The following PTH2R variants were observed in gnomAD, a reference collection of about 807,000 sequenced individuals.
PTH2R encodes the protein parathyroid hormone 2 receptor.
In PTH2R, 59 loss-of-function variants were observed where a neutral mutation model predicts 60.3. The observed-to-expected ratio is 0.98, with a 90% CI of 0.79 to 1.22. The LOEUF is 1.22. PTH2R is among the 50% of genes most tolerant of loss of function. The pLI is 0.00. For synonymous variants in PTH2R, 256 were observed against 243.8 expected (o/e 1.05, Z -0.47); for missense variants, 749 against 682.6 (o/e 1.10, Z -1.08).
chr2:208,435,624 CT>C (rs1336125019), intron 2 of PTH2R, among the ~76,000 whole-genome samples: 1 of 152,184 alleles, frequency 6.6e-6, no homozygotes, highest in East Asian at 1.9e-4. Context: ...CAGCTGACAG[CT>C]GTCAGCAAAG....
chr2:208,384,908 T>C (rs1574826659), intron 1 of PTH2R, among the ~76,000 whole-genome samples: 2 of 152,180 alleles, frequency 1.3e-5, no homozygotes, highest in African/African-American at 4.8e-5. Context: ...CAACCACATA[T>C]TACCAGACAA....
At chr2:208,485,154 A>AT (rs1167289695) in intron 10 of PTH2R, among the ~76,000 whole-genome samples, 2 of 152,216 alleles carry the variant, frequency 1.3e-5, no homozygotes, top group Admixed American at 6.5e-5. Context: ...AGCAATAGTA[A>AT]TTTTTTAAAG....
chr2:208,374,341 T>C (rs1700755302), intron 1 of PTH2R, among the ~76,000 whole-genome samples: 1 of 152,090 alleles, frequency 6.6e-6, no homozygotes, highest in South Asian at 2.1e-4. Context: ...TTTGAGAAGT[T>C]GTACACCACA....
chr2:208,444,929 C>A (rs1702260891), intron 7 of PTH2R, 42 bp downstream of exon 7: 1 of 1,562,516 alleles, frequency 6.4e-7, no homozygotes. Flanking sequence ...CTGGATGATG[C>A]ATTTGATGAC....
intron 2 of PTH2R, among the ~76,000 whole-genome samples, chr2:208,433,847 C>T (rs1702020627): frequency 6.6e-6 from 1 of 152,210 alleles, no homozygotes; most frequent in Non-Finnish European, 1.5e-5. Flanking sequence ...ACAAGCTTCA[C>T]TCATAATTAG....
intron 10 of PTH2R, among the ~76,000 whole-genome samples, chr2:208,482,897 T>C (rs1703188365): frequency 6.6e-6 from 1 of 152,204 alleles, no homozygotes; most frequent in Non-Finnish European, 1.5e-5. Flanking sequence ...ATCTTGGTGA[T>C]GTGAAGCCTC....
chr2:208,480,666 A>G (rs1424081087), intron 9 of PTH2R, among the ~76,000 whole-genome samples: 1 of 152,216 alleles, frequency 6.6e-6, no homozygotes, highest in African/African-American at 2.4e-5. Flanking sequence ...AGACAGAGTG[A>G]ATCCCCAAAA....
chr2:208,443,661 A>C, intron 6 of PTH2R, 124 bp downstream of exon 6: 1 of 704,826 alleles, frequency 1.4e-6, no homozygotes. Context: ...AAAATGGATT[A>C]TCAATTTGTA....
At chr2:208,474,136 T>G (rs912278613) in intron 9 of PTH2R, among the ~76,000 whole-genome samples, 1 of 152,220 alleles carries the variant, frequency 6.6e-6, no homozygotes, top group Non-Finnish European at 1.5e-5. Flanking sequence ...ATTTAGCCCC[T>G]TTTAAAATGA....
chr2:208,418,446 C>G (rs983644209), intron 1 of PTH2R, among the ~76,000 whole-genome samples: 1 of 151,252 alleles, frequency 6.6e-6, no homozygotes, highest in Non-Finnish European at 1.5e-5. Context: ...TAATAGCAAA[C>G]CAACTCCAAC....
At chr2:208,437,698 A>G in intron 3 of PTH2R, 51 bp downstream of exon 3, 1 of 1,602,930 alleles carries the variant, frequency 6.2e-7, no homozygotes, top group Non-Finnish European at 8.5e-7. Context: ...TTACTTGTCC[A>G]TTTTCTTGAT....
intron 8 of PTH2R, among the ~76,000 whole-genome samples, chr2:208,451,406 T>G (rs1424763949): frequency 1.3e-5 from 2 of 152,190 alleles, no homozygotes; most frequent in Non-Finnish European, 2.9e-5. Context: ...AAAGGACATG[T>G]GGGAAGGAGT....
intron 1 of PTH2R, among the ~76,000 whole-genome samples, chr2:208,427,778 A>C (rs1701887233): frequency 6.6e-6 from 1 of 151,956 alleles, no homozygotes; most frequent in Admixed American, 6.6e-5. Context: ...CTTGGTACTA[A>C]ATAAATTGTA....
chr2:208,459,452 C>T (rs565705823), intron 8 of PTH2R, among the ~76,000 whole-genome samples: 21 of 152,174 alleles, frequency 1.4e-4, no homozygotes, highest in South Asian at 6.2e-4. Flanking sequence ...GAATAACTTG[C>T]ATTATTGTAA....
chr2:208,474,574 A>G (rs932632625), intron 9 of PTH2R, among the ~76,000 whole-genome samples: 3 of 152,252 alleles, frequency 2.0e-5, no homozygotes, highest in Non-Finnish European at 2.9e-5. Context: ...CCAAGTGGGC[A>G]TGTTATGTTT....
At chr2:208,398,734 G>A (rs1485667651) in intron 1 of PTH2R, among the ~76,000 whole-genome samples, 3 of 152,010 alleles carry the variant, frequency 2.0e-5, no homozygotes, top group Non-Finnish European at 2.9e-5. Context: ...TTACTATCTC[G>A]ATTTTGTGCT....
intron 1 of PTH2R, among the ~76,000 whole-genome samples, chr2:208,410,739 T>A (rs538325287): frequency 6.6e-6 from 1 of 152,140 alleles, no homozygotes; most frequent in East Asian, 1.9e-4. Context: ...ATATATGTTT[T>A]ATGAACATAT....
chr2:208,442,433 G>C lies in PTH2R; in HGVS notation c.481G>C (p.Val161Leu). Residue 161 changes from valine to leucine, a missense_variant, in exon 5 of 13, where the codon GTG becomes CTG. Coordinates refer to ENST00000272847, the MANE Select transcript of PTH2R (RefSeq NM_005048.4). ...CTCCATCTCTTTTGGTTCCTTGGCT[G>C]TGGCTATTCTCATCATTGGTTACTT... ...GYSISFGSLAVAILIIGYFRR... is the reference protein window; with the variant it reads ...GYSISFGSLALAILIIGYFRR... The C allele has an allele frequency of 6.2e-7, 1 of 1,612,194 alleles. No individual in the cohort carries two copies. The highest frequency in any genetic ancestry group is 8.5e-7 in the Non-Finnish European group (1 of 1,178,304).
chr2:208,438,011 G>C, intron 4 of PTH2R, 130 bp downstream of exon 4: 1 of 1,212,870 alleles, frequency 8.2e-7, no homozygotes, highest in Non-Finnish European at 1.1e-6. Flanking sequence ...AAAGATAAAA[G>C]CAATGTTGCA....
Sources: allele counts gnomAD v4.1 joint callset (sites outside exome capture counted in the v4.1 genomes callset), GRCh38; gene constraint gnomAD v4.1.1; transcripts MANE v1.5; gene names NCBI Gene and HGNC (gene_info 2026-07-23, HGNC 2026-07-21).